Variants in SERHL2 observed in about 807,000 individuals in gnomAD.
SERHL2 encodes serine hydrolase like 2.
A neutral mutation model predicts 25.5 loss-of-function variants in SERHL2; 29 were observed. The ratio of observed to expected loss-of-function variants is 1.14; its 90% confidence interval spans 0.85 to 1.55. The LOEUF (loss-of-function observed/expected upper bound fraction) is 1.55. SERHL2 is among the 40% of genes most tolerant of loss of function. The pLI is 0.00. For missense variants in SERHL2, 240 were observed against 252.3 expected (o/e 0.95, Z 0.33); for synonymous variants, 95 against 103.5 (o/e 0.92, Z 0.50).
chr22:42,568,674 C>G (rs990487217), intron 9 of SERHL2, among the ~76,000 whole-genome samples: 9 of 151,906 alleles, frequency 5.9e-5, no homozygotes, highest in African/African-American at 2.2e-4. Flanking sequence ...TTCTGGCCAG[C>G]TAAGTTTTAA....
At chr22:42,567,294 G>A (rs1923519183) in intron 9 of SERHL2, among the ~76,000 whole-genome samples, 1 of 152,004 alleles carries the variant, frequency 6.6e-6, no homozygotes, top group African/African-American at 2.4e-5. Flanking sequence ...TCTTTGATCC[G>A]TGTGGGATTT....
At chr22:42,569,687 T>A (rs1394000681) in intron 9 of SERHL2, 1 of 151,864 alleles carries the variant, frequency 6.6e-6, no homozygotes, top group Admixed American at 6.6e-5. Context: ...AGCTGACATA[T>A]GAGAACACGC....
intron 9 of SERHL2, 48 bp downstream of exon 9, chr22:42,566,386 G>C (rs376618622): frequency 1.9e-6 from 3 of 1,596,894 alleles, no homozygotes; most frequent in Non-Finnish European, 2.6e-6. Flanking sequence ...GCCTGTTAGC[G>C]TCTTTGTCGT....
At position 42,562,678 on chromosome 22, in the gene SERHL2, CTA is replaced by C. The variant is rs1278547869; in HGVS notation, c.613+2414_613+2415del. Reference sequence around the variant, plus strand: ...AGCAGTGAAGGTACGGGAGCTGCTCCTACGGACTCCAGGAGGAGAAAGGAGCT... The same window carrying C: ...AGCAGTGAAGGTACGGGAGCTGCTCCCGGACTCCAGGAGGAGAAAGGAGCT... On this transcript the variant is annotated intron_variant, in intron 8 of 11. Coordinates refer to ENST00000327678, the MANE Select transcript of SERHL2 (RefSeq NM_014509.5). 3.4e-3 allele frequency among the ~76,000 whole-genome samples: 516 copies of C among 151,976 alleles called. 2 individuals carry two copies. The highest frequency in any genetic ancestry group is 0.012 in the African/African-American group (500 of 41,504).
chr22:42,563,068 C>G (rs537780241), intron 8 of SERHL2, among the ~76,000 whole-genome samples: 1 of 152,076 alleles, frequency 6.6e-6, no homozygotes, highest in African/African-American at 2.4e-5. Flanking sequence ...GGTGGCACAC[C>G]TGTGGTCCCA....
At chr22:42,565,008 T>C (rs1000651269) in intron 8 of SERHL2, 12 of 152,194 alleles carry the variant, frequency 7.9e-5, no homozygotes, top group African/African-American at 2.2e-4. Flanking sequence ...AGGCCATTTA[T>C]TTCACCTGGG....
rs113416470 is a variant in SERHL2, at chr22:42,566,323, C to G, written c.633C>G (p.Asp211Glu). 4 of 1,612,144 alleles carry G rather than the reference C, an allele frequency of 2.5e-6. No homozygotes were observed. The highest frequency in any genetic ancestry group is 3.4e-6 in the Non-Finnish European group (4 of 1,179,270). ...KVATGLVLNR[D>E]QRLAWAENSI... The stretch of plus-strand genomic sequence containing the variant: ...CTCCAGGTCTGGTTCTGAACAGAGA[C>G]CAGAGGCTCGCCTGGGTGAGTACCA... The change falls in exon 9 of 12, where the codon GAC (aspartate) becomes GAG (glutamate). Residue 211 changes from aspartate to glutamate, a missense_variant. Physicochemically the swap from Asp to Glu is conservative, Grantham distance 45. Coordinates refer to ENST00000327678, the MANE Select transcript of SERHL2 (RefSeq NM_014509.5).
At chr22:42,567,384 G>T (rs1000993288) in intron 9 of SERHL2, among the ~76,000 whole-genome samples, 25 of 151,734 alleles carry the variant, frequency 1.6e-4, no homozygotes, top group African/African-American at 5.8e-4. Context: ...CGATTTTTCG[G>T]CCGGGCGCGG....
intron 8 of SERHL2, 146 bp from the exon 9 acceptor site, chr22:42,566,158 A>G (rs1319010135): frequency 1.4e-6 from 1 of 714,384 alleles, no homozygotes; most frequent in Non-Finnish European, 2.4e-6. Flanking sequence ...CAGGACAGGG[A>G]GTCCTGGGCA....
chr22:42,567,689 T>A (rs1390391589), intron 9 of SERHL2, among the ~76,000 whole-genome samples: 1 of 149,838 alleles, frequency 6.7e-6, no homozygotes, highest in Non-Finnish European at 1.5e-5. Flanking sequence ...AATAAATAAA[T>A]AAAAAAAATA....
chr22:42,573,834 G>C, intron 11 of SERHL2, 102 bp from the exon 12 acceptor site: 1 of 1,103,754 alleles, frequency 9.1e-7, no homozygotes, highest in Non-Finnish European at 1.3e-6. Flanking sequence ...CTCCTGACCT[G>C]CAGGGAGCTG....
chr22:42,564,727 G>A (rs139541704), intron 8 of SERHL2, among the ~76,000 whole-genome samples: 1 of 151,892 alleles, frequency 6.6e-6, no homozygotes, highest in Non-Finnish European at 1.5e-5. Flanking sequence ...CACCGCACCC[G>A]GCCTGAGGAT....
intron 7 of SERHL2, 83 bp from the exon 8 acceptor site, chr22:42,560,102 GT>G: frequency 1.0e-6 from 1 of 999,714 alleles, no homozygotes; most frequent in African/African-American, 1.6e-5. Flanking sequence ...ATGAGCCACC[GT>G]CCCCCCCGGC....
chr22:42,572,759 G>C (rs1924411861), intron 11 of SERHL2: 2 of 981,064 alleles, frequency 2.0e-6, no homozygotes, highest in South Asian at 9.4e-5. Context: ...ACCCCTGCCA[G>C]GTTCAAGCTA....
intron 11 of SERHL2, 37 bp downstream of exon 11, chr22:42,572,566 G>T: frequency 6.2e-7 from 1 of 1,607,192 alleles, no homozygotes; most frequent in Non-Finnish European, 8.5e-7. Context: ...TCCAGCCACT[G>T]TCGCCCACTC....
rs968028706 is a variant in SERHL2, at chr22:42,574,331, G to C, written c.*276G>C. ...AGGAAGGGCAGGCTGGGCCCACCTAGCCTTTCCCTGCTGCCCAACTGGATG... is the reference window on the plus strand; with the variant it reads ...AGGAAGGGCAGGCTGGGCCCACCTACCCTTTCCCTGCTGCCCAACTGGATG... On this transcript the variant is annotated 3_prime_UTR_variant, in exon 12 of 12. Transcript: ENST00000327678. 30 of 529,328 alleles carry C rather than the reference G, an allele frequency of 5.7e-5. No individual in the cohort carries two copies. In the East Asian group the frequency reaches 8.3e-4, roughly 15 times the overall value. 32.8% of individuals were successfully genotyped at this position (529,328 alleles called of 1,614,324 possible).
chr22:42,572,410 A>G, intron 10 of SERHL2, 26 bp from the exon 11 acceptor site: 3 of 1,577,136 alleles, frequency 1.9e-6, no homozygotes, highest in East Asian at 2.3e-5. Context: ...ATGAACCCCA[A>G]CAACCCCCAA....
intron 10 of SERHL2, among the ~76,000 whole-genome samples, chr22:42,572,078 C>G (rs556225818): frequency 1.3e-5 from 2 of 152,168 alleles, no homozygotes; most frequent in East Asian, 1.9e-4. Flanking sequence ...GAATTGTAGA[C>G]TATCAACGGG....
chr22:42,560,049 T>C (rs896078492), intron 7 of SERHL2, 137 bp from the exon 8 acceptor site: 11 of 658,662 alleles, frequency 1.7e-5, no homozygotes, highest in Admixed American at 7.0e-5. Context: ...TGACCTCAGA[T>C]GATCCGCCCA....
Sources: gnomAD v4.1 joint callset for allele counts (sites outside exome capture counted in the v4.1 genomes callset) on GRCh38, gnomAD v4.1.1 for gene constraint, MANE v1.5 for transcripts, NCBI Gene and HGNC (gene_info 2026-07-23, HGNC 2026-07-21) for gene names.